FBLN1: variants seen among roughly 807,000 people sequenced by gnomAD.
FBLN1 encodes fibulin 1.
A neutral mutation model predicts 89.7 loss-of-function variants in FBLN1; 34 were observed. The ratio of observed to expected loss-of-function variants is 0.38; its 90% CI spans 0.29 to 0.50. The LOEUF (loss-of-function observed/expected upper bound fraction) is 0.50. Ranked by LOEUF, FBLN1 falls within the 20% of genes least tolerant of loss-of-function variation. The probability of loss-of-function intolerance (pLI) is 0.92; values close to 1 mark genes in which losing one functional copy is unlikely to be tolerated. For synonymous variants in FBLN1, 393 were observed against 391.3 expected, an observed-to-expected ratio of 1.00 and a Z score of -0.05; for missense variants, 777 against 988.1, an observed-to-expected ratio of 0.79 and a Z score of 2.86.
intron 16 of FBLN1, among the ~76,000 whole-genome samples, chr22:45,591,894 C>T (rs1043766028): frequency 1.6e-5 from 2 of 127,188 alleles, no homozygotes; most frequent in African/African-American, 2.8e-5. Context: ...AGGAAGTGTC[C>T]TGCGCGCCAT....
intron 1 of FBLN1, among the ~76,000 whole-genome samples, chr22:45,514,551 C>T: frequency 6.6e-6 from 1 of 152,338 alleles, no homozygotes; most frequent in East Asian, 1.9e-4. Flanking sequence ...GGGTGGGCTC[C>T]AGCCCCTCGG....
intron 16 of FBLN1, among the ~76,000 whole-genome samples, chr22:45,592,102 G>C (rs568527246): frequency 6.6e-6 from 1 of 152,300 alleles, no homozygotes; most frequent in South Asian, 2.1e-4. Flanking sequence ...CTGCGGCCCT[G>C]TTAGCTCCGT....
intron 14 of FBLN1, among the ~76,000 whole-genome samples, chr22:45,564,157 G>A (rs1040982924): frequency 1.4e-4 from 21 of 152,248 alleles, no homozygotes; most frequent in Non-Finnish European, 1.3e-4. Flanking sequence ...TGGCTGTTGC[G>A]TTCTGCCAGA....
chr22:45,507,295 G>A (rs889036706), intron 1 of FBLN1, among the ~76,000 whole-genome samples: 1 of 152,196 alleles, frequency 6.6e-6, no homozygotes, highest in Admixed American at 6.5e-5. Context: ...TACACTGTGC[G>A]GAGCCAACAT....
At chr22:45,560,221 G>T (rs2088835350) in intron 14 of FBLN1, among the ~76,000 whole-genome samples, 1 of 152,208 alleles carries the variant, frequency 6.6e-6, no homozygotes, top group African/African-American at 2.4e-5. Context: ...GCCACCTCAG[G>T]ATCCAATTAT....
chr22:45,529,367 C>T (rs1338284021), intron 4 of FBLN1, among the ~76,000 whole-genome samples: 2 of 152,230 alleles, frequency 1.3e-5, no homozygotes, highest in African/African-American at 2.4e-5. Flanking sequence ...TCTGTGTCCT[C>T]GCCCTGCATT....
rs1489314907 is a variant in FBLN1, at chr22:45,563,873, A to C, written c.1698-10638A>C. 6.6e-6 allele frequency among the ~76,000 whole-genome samples: 1 copy of C among 152,110 alleles called. No individual in the cohort carries two copies. The highest frequency in any genetic ancestry group is 2.4e-5 in the African/African-American group (1 of 41,428). On this transcript the variant is annotated intron_variant, in intron 14 of 16. Coordinates refer to ENST00000327858, the MANE Select transcript of FBLN1 (RefSeq NM_006486.3). This position sits in a 1 kb window ranked among gnomAD's most constrained non-coding sequence, Gnocchi z 5.7. ...TCTGTTTGTCTTGATCAGAAGCCCA[A>C]ATCTGTGGTGCAGAAACACGGGATG...
intron 2 of FBLN1, among the ~76,000 whole-genome samples, chr22:45,519,624 CA>C (rs136720): frequency 0.021 from 2,474 of 117,282 alleles, 61 homozygotes; most frequent in African/African-American, 0.07. Flanking sequence ...AACTCTAACT[CA>C]AAAAAAAAAA....
chr22:45,596,172 G>T (rs1569270439), intron 16 of FBLN1, among the ~76,000 whole-genome samples: 1 of 152,202 alleles, frequency 6.6e-6, no homozygotes, highest in Admixed American at 6.6e-5. Flanking sequence ...CCCGGCCAAA[G>T]GTTGCTGTTT....
At chr22:45,553,006 G>A (rs1335726391) in intron 14 of FBLN1, among the ~76,000 whole-genome samples, 4 of 152,252 alleles carry the variant, frequency 2.6e-5, no homozygotes, top group Non-Finnish European at 5.9e-5. Context: ...GATGGGACAC[G>A]AGTGAACAGC....
At chr22:45,548,879 AG>A in intron 13 of FBLN1, 135 bp downstream of exon 13, 1 of 1,403,508 alleles carries the variant, frequency 7.1e-7, no homozygotes, top group East Asian at 2.5e-5. Flanking sequence ...ATTCAGGAAA[AG>A]GAGGCCCACC....
Position 45,547,067 on chromosome 22 carries a change from C to T in FBLN1, c.1322-18C>T, listed in dbSNP as rs759910515. 5 of 1,613,930 alleles carry T rather than the reference C, an allele frequency of 3.1e-6. No individual in the cohort carries two copies. The highest frequency in any genetic ancestry group is 4.2e-6 in the Non-Finnish European group (5 of 1,179,990). ...GACGTATGATGCTCTGAGCGGTGAC[C>T]CTCGTTTTGTATTTCAGACATCAAT... On this transcript the variant is annotated intron_variant, in intron 11 of 16. Transcript: ENST00000327858.
chr22:45,527,821 TCTGGGATCTCCAC>T lies in FBLN1; in HGVS notation c.322-22_322-10del. On this transcript the variant is annotated splice_polypyrimidine_tract_variant and intron_variant, in intron 3 of 16. Transcript: ENST00000327858. ...GCTGGGCTGTCTGCCCGCTCCTCCA[TCTGGGATCTCCAC>T]CTGTGTTTGCAGAGGTGCTGCCATT... The T allele has an allele frequency of 3.1e-6, 5 of 1,612,964 alleles. No homozygotes were observed. The highest frequency in any genetic ancestry group is 4.2e-6 in the Non-Finnish European group (5 of 1,179,980).
chr22:45,561,782 A>G lies in FBLN1; in HGVS notation c.1697+11167A>G, dbSNP rs976986877. On this transcript the variant is annotated intron_variant, in intron 14 of 16. Transcript: ENST00000327858. This position sits in a 1 kb window ranked among gnomAD's most constrained non-coding sequence, Gnocchi z 4.7. ...AACTCACACGATCACAAGGTCCCACAATAGGCCATCTGAAGGCTGAGGAGC... is the reference window on the plus strand; with the variant it reads ...AACTCACACGATCACAAGGTCCCACGATAGGCCATCTGAAGGCTGAGGAGC... Among the ~76,000 whole-genome samples the G allele has an allele frequency of 4.6e-5, 7 of 152,194 alleles. No homozygotes were observed. Among genetic ancestry groups the G allele is most frequent in the African/African-American group, 1.7e-4 (7 of 41,444 alleles).
At chr22:45,523,318 G>A in intron 2 of FBLN1, 1 of 570,692 alleles carries the variant, frequency 1.8e-6, no homozygotes, top group Non-Finnish European at 3.2e-6. Context: ...ATGAGATAGA[G>A]GCTGGGGTGT....
chr22:45,554,728 T>A (rs1001218580), intron 14 of FBLN1, among the ~76,000 whole-genome samples: 1 of 152,182 alleles, frequency 6.6e-6, no homozygotes, highest in Admixed American at 6.5e-5. Flanking sequence ...ATGGCAGGGC[T>A]TCCTGGAGCA....
At chr22:45,540,228 G>A (rs1032774167) in intron 8 of FBLN1, among the ~76,000 whole-genome samples, 1 of 152,220 alleles carries the variant, frequency 6.6e-6, no homozygotes, top group African/African-American at 2.4e-5. Flanking sequence ...TGAGCCCAGA[G>A]TCATTCAGTC....
chr22:45,561,052 G>C lies in FBLN1; in HGVS notation c.1697+10437G>C, dbSNP rs2088845359. Among the ~76,000 whole-genome samples, 1 of 152,172 alleles carries C rather than the reference G, an allele frequency of 6.6e-6. No homozygotes were observed. Among genetic ancestry groups the C allele is most frequent in the Admixed American group, 6.5e-5 (1 of 15,270 alleles). ...CTTCTGGCAAAAAAGATTCATCAGA[G>C]TTTATAAACTCAGTGTCCCCAGCTT... On this transcript the variant is annotated intron_variant, in intron 14 of 16. Transcript: ENST00000327858. The surrounding 1 kb of genome is among the most constrained non-coding windows in gnomAD (Gnocchi z 4.7).
In FBLN1 at chr22:45,548,648, A is replaced by G. The variant is rs748624241; in HGVS notation, c.1477A>G (p.Ile493Val). Residue 493 changes from isoleucine (I) to valine (V), a missense_variant, in exon 13 of 17, where the codon ATC becomes GTC. By Grantham distance (29) the Ile-to-Val change is conservative. Transcript: ENST00000327858. ...GTGCGCCCTGCCCACCGGGGGCCAC[A>G]TCTGCTCCTACCGCTGCATCAACAT... The part of the protein sequence containing the change: ...DECALPTGGH[I>V]CSYRCINIPG... The G allele has an allele frequency of 5.0e-6, 8 of 1,613,714 alleles. No individual in the cohort carries two copies. Among genetic ancestry groups the G allele is most frequent in the South Asian group, 2.2e-5 (2 of 91,086 alleles).
Sources: gnomAD v4.1 joint callset for allele counts (sites outside exome capture counted in the v4.1 genomes callset) on GRCh38, gnomAD v4.1.1 for gene constraint, Gnocchi (gnomAD v3.1) non-coding constraint, MANE v1.5 for transcripts, NCBI Gene and HGNC (gene_info 2026-07-23, HGNC 2026-07-21) for gene names.